The following ESR1 variants were observed in gnomAD, a reference collection of about 807,000 sequenced individuals.
ESR1 encodes estrogen receptor 1.
A neutral mutation model predicts 52.7 loss-of-function variants in ESR1; 12 were observed. That is an observed-to-expected ratio of 0.23 (90% CI 0.15 to 0.37). ESR1 has a LOEUF of 0.37. Ranked by LOEUF, ESR1 falls within the 10% of genes least tolerant of loss-of-function variation. The pLI, the probability that ESR1 is intolerant of heterozygous loss-of-function variation, is 1.00. For missense variants in ESR1, 584 were observed against 779.7 expected (o/e 0.75, Z 2.99); for synonymous variants, 305 against 316.8 (o/e 0.96, Z 0.39).
At chr6:151,890,628 A>G (rs1410540152) in intron 3 of ESR1, among the ~76,000 whole-genome samples, 1 of 152,100 alleles carries the variant, frequency 6.6e-6, no homozygotes, top group Non-Finnish European at 1.5e-5. Context: ...CTTCCCTTTC[A>G]TATCAATTAA....
intron 1 of ESR1, among the ~76,000 whole-genome samples, chr6:151,841,710 C>T (rs1165293539): frequency 6.6e-6 from 1 of 151,710 alleles, no homozygotes; most frequent in Non-Finnish European, 1.5e-5. Flanking sequence ...CTCTGATTGT[C>T]TCTCTTTCTA....
intron 5 of ESR1, among the ~76,000 whole-genome samples, chr6:152,039,620 A>C (rs1584953873): frequency 6.6e-6 from 1 of 152,098 alleles, no homozygotes; most frequent in Non-Finnish European, 1.5e-5. Flanking sequence ...GGTGATGGTG[A>C]GTGGTGCCAC....
intron 4 of ESR1, among the ~76,000 whole-genome samples, chr6:151,999,368 T>C (rs1443963737): frequency 6.6e-6 from 1 of 152,156 alleles, no homozygotes; most frequent in Non-Finnish European, 1.5e-5. Context: ...CTTTAATAGT[T>C]GATGAAGTGA....
At chr6:152,062,333 G>A (rs2047611499) in intron 6 of ESR1, among the ~76,000 whole-genome samples, 1 of 151,990 alleles carries the variant, frequency 6.6e-6, no homozygotes. Flanking sequence ...CACCTCCCAT[G>A]ACAATTTTCC....
chr6:152,030,624 C>G (rs999720025), intron 5 of ESR1, among the ~76,000 whole-genome samples: 1 of 152,070 alleles, frequency 6.6e-6, no homozygotes, highest in Non-Finnish European at 1.5e-5. Context: ...ACAGGAGCAC[C>G]CAGATTCATA....
In ESR1 at chr6:151,944,424, A is replaced by G. The variant is rs1482742070; in HGVS notation, c.1012A>G (p.Ser338Gly). The change falls in exon 4 of 8, where the codon AGT becomes GGT. Residue 338 changes from serine (S) to glycine (G), a missense_variant. Physicochemically the swap from Ser to Gly is moderately conservative, Grantham distance 56. This residue lies in a region of ESR1 where 141 missense variants were observed against 289.3 expected (regional missense o/e 0.49). Coordinates refer to ENST00000206249, the MANE Select transcript of ESR1 (RefSeq NM_000125.4). ...CGAGTATGATCCTACCAGACCCTTC[A>G]GTGAAGCTTCGATGATGGGCTTACT... ...YSEYDPTRPF[S>G]EASMMGLLTN... 64 of 1,613,970 alleles carry G rather than the reference A, an allele frequency of 4.0e-5. No individual in the cohort carries two copies. The highest frequency in any genetic ancestry group is 5.3e-5 in the Non-Finnish European group (62 of 1,179,970).
At chr6:152,122,249 TCC>T in intron 6 of ESR1, 1 of 843,152 alleles carries the variant, frequency 1.2e-6, no homozygotes, top group Non-Finnish European at 1.9e-6. Context: ...GTCTGTTTGT[TCC>T]CCCGTCACTG....
chr6:152,082,745 G>A (rs547021014), intron 6 of ESR1, among the ~76,000 whole-genome samples: 230 of 152,344 alleles, frequency 1.5e-3, no homozygotes, highest in African/African-American at 5.2e-3. Flanking sequence ...TCCTTAAGCT[G>A]ATAAGCAACT....
intron 2 of ESR1, among the ~76,000 whole-genome samples, chr6:151,773,523 G>A (rs1785690407): frequency 6.6e-6 from 1 of 152,184 alleles, no homozygotes; most frequent in South Asian, 2.1e-4. Flanking sequence ...TATGGACAAG[G>A]ATAATTGCCT....
At chr6:152,022,213 A>G (rs988568511) in intron 5 of ESR1, among the ~76,000 whole-genome samples, 10 of 152,178 alleles carry the variant, frequency 6.6e-5, no homozygotes, top group Non-Finnish European at 1.0e-4. Context: ...ACCTGAGAGC[A>G]TGCTTAATTC....
At chr6:151,941,705 G>A (rs1170995792) in intron 3 of ESR1, among the ~76,000 whole-genome samples, 5 of 152,052 alleles carry the variant, frequency 3.3e-5, no homozygotes. Context: ...GCCTCTTCTT[G>A]GAAACCCTCA....
intron 1 of ESR1, among the ~76,000 whole-genome samples, chr6:151,669,650 A>T (rs1188378012): frequency 6.6e-6 from 1 of 152,056 alleles, no homozygotes; most frequent in African/African-American, 2.4e-5. Flanking sequence ...TAAAATGGAG[A>T]TCATGATGTA....
intron 2 of ESR1, among the ~76,000 whole-genome samples, chr6:151,749,244 A>AAGG (rs2128073719): frequency 6.6e-6 from 1 of 151,816 alleles, no homozygotes; most frequent in African/African-American, 2.4e-5. Flanking sequence ...ACATGAGAGT[A>AAGG]AGGAGAGTAA....
chr6:151,953,790 T>G (rs1420063786), intron 4 of ESR1, among the ~76,000 whole-genome samples: 1 of 152,128 alleles, frequency 6.6e-6, no homozygotes, highest in African/African-American at 2.4e-5. Flanking sequence ...AATTCACCTA[T>G]TTCCTATATA....
At chr6:152,016,575 A>G (rs957492069) in intron 5 of ESR1, among the ~76,000 whole-genome samples, 1 of 152,202 alleles carries the variant, frequency 6.6e-6, no homozygotes, top group Non-Finnish European at 1.5e-5. Context: ...ATACTTGTAG[A>G]AGATGGCTTC....
At chr6:151,879,986 A>G (rs1247351983) in intron 2 of ESR1, among the ~76,000 whole-genome samples, 3 of 152,282 alleles carry the variant, frequency 2.0e-5, no homozygotes, top group Middle Eastern at 3.4e-3. Flanking sequence ...CCTCACAACA[A>G]TTTTGGCAAG....
rs1477111350 is a variant in ESR1, at chr6:151,709,336, G to C, written c.-71+7331G>C. Among the ~76,000 whole-genome samples, 6 of 152,176 alleles carry C rather than the reference G, an allele frequency of 3.9e-5. No homozygotes were observed. The South Asian group carries it at 1.2e-3, about 32-fold the overall frequency. On this transcript the variant is annotated intron_variant, in intron 2 of 2. Transcript: ENST00000404742. ...TTTTCTCTTTTTTTAAGGCTGAATGGTATTCCACTGTGAACATATACCATA... is the reference window on the plus strand; with the variant it reads ...TTTTCTCTTTTTTTAAGGCTGAATGCTATTCCACTGTGAACATATACCATA...
intron 2 of ESR1, among the ~76,000 whole-genome samples, chr6:151,721,082 A>G (rs1365688676): frequency 1.3e-5 from 2 of 152,236 alleles, no homozygotes; most frequent in Non-Finnish European, 2.9e-5. Flanking sequence ...TGCCACATCA[A>G]TAAAGCACTA....
intron 2 of ESR1, among the ~76,000 whole-genome samples, chr6:151,777,277 C>T (rs1477626179): frequency 6.6e-6 from 1 of 151,730 alleles, no homozygotes; most frequent in African/African-American, 2.4e-5. Context: ...GCCACCAAGC[C>T]TGGCTAATTT....
Sources: gnomAD v4.1 joint callset for allele counts (sites outside exome capture counted in the v4.1 genomes callset) on GRCh38, gnomAD v4.1.1 for gene constraint, gnomAD v4.1.1 regional missense constraint, MANE v1.5 for transcripts, NCBI Gene and HGNC (gene_info 2026-07-23, HGNC 2026-07-21) for gene names.